ASXL2: variants seen among roughly 807,000 people sequenced by gnomAD.
ASXL2 encodes ASXL transcriptional regulator 2, also known as putative Polycomb group protein ASXL2.
In ASXL2, 23 loss-of-function variants were observed where a neutral mutation model predicts 122.0. The ratio of observed to expected loss-of-function variants is 0.19; its 90% confidence interval spans 0.14 to 0.27. The LOEUF (loss-of-function observed/expected upper bound fraction) is 0.27. ASXL2 is among the 10% of genes least tolerant of loss of function. The pLI is 1.00. For missense variants in ASXL2, 1,518 were observed against 1,713.8 expected, an observed-to-expected ratio of 0.89 and a Z score of 2.02; for synonymous variants, 650 against 637.0, an observed-to-expected ratio of 1.02 and a Z score of -0.31.
intron 1 of ASXL2, among the ~76,000 whole-genome samples, chr2:25,863,197 G>A (rs1271612886): frequency 6.6e-6 from 1 of 151,814 alleles, no homozygotes; most frequent in Non-Finnish European, 1.5e-5. Flanking sequence ...GGGCGTGGTG[G>A]TACGCCCCTG....
chr2:25,771,338 G>T, intron 6 of ASXL2, 102 bp downstream of exon 6: 2 of 988,942 alleles, frequency 2.0e-6, no homozygotes, highest in Non-Finnish European at 2.9e-6. Context: ...ACTGGCAAGG[G>T]CCCAATGTAA....
rs1327461602 is a variant in ASXL2 at position 25,853,737 on chromosome 2, G to A, written c.58-8174C>T. Reference sequence around the variant, plus strand: ...TAGCTCACTGCAGCCTCGAACTCCTGGGCTCAAGCAATCCTCCTGCCTCAG... The same window carrying A: ...TAGCTCACTGCAGCCTCGAACTCCTAGGCTCAAGCAATCCTCCTGCCTCAG... On this transcript the variant is annotated intron_variant, in intron 1 of 12. Coordinates refer to ENST00000435504, the MANE Select transcript of ASXL2 (RefSeq NM_018263.6). Among the ~76,000 whole-genome samples the A allele has an allele frequency of 5.3e-5, 8 of 151,684 alleles. No individual in the cohort carries two copies. The Admixed American group carries it at 5.3e-4, about 10-fold the overall frequency.
chr2:25,771,644 AAC>A, intron 5 of ASXL2, 104 bp from the exon 6 acceptor site: 1 of 894,192 alleles, frequency 1.1e-6, no homozygotes, highest in Non-Finnish European at 1.7e-6. Context: ...ACTATGACCA[AAC>A]ACTTTTGGGA....
intron 5 of ASXL2, among the ~76,000 whole-genome samples, chr2:25,797,589 A>C (rs544191126): frequency 1.3e-5 from 2 of 152,384 alleles, no homozygotes; most frequent in African/African-American, 4.8e-5. Flanking sequence ...AACTGATGAG[A>C]CATCTCACGA....
chr2:25,780,729 A>T (rs1045364310), intron 5 of ASXL2, among the ~76,000 whole-genome samples: 8 of 152,228 alleles, frequency 5.3e-5, no homozygotes, highest in African/African-American at 1.9e-4. Flanking sequence ...ACTAAAAGAT[A>T]AACATGTACA....
intron 3 of ASXL2, among the ~76,000 whole-genome samples, chr2:25,831,137 C>A (rs549643178): frequency 6.6e-6 from 1 of 151,978 alleles, no homozygotes; most frequent in South Asian, 2.1e-4. Flanking sequence ...CTGGCCAATG[C>A]AGTGAAACCC....
At chr2:25,808,039 C>T (rs992671010) in intron 3 of ASXL2, among the ~76,000 whole-genome samples, 1 of 129,746 alleles carries the variant, frequency 7.7e-6, no homozygotes, top group Non-Finnish European at 1.7e-5. Flanking sequence ...CCCCAAAGAA[C>T]AGATACATGA....
intron 6 of ASXL2, among the ~76,000 whole-genome samples, 189 bp downstream of exon 6, chr2:25,771,234 AAAAACAAAGTATCTACC>A (rs1201721751): frequency 4.6e-5 from 7 of 152,220 alleles, no homozygotes; most frequent in Non-Finnish European, 1.0e-4. Flanking sequence ...TCTGTCTCAG[AAAAACAAAGTATCTACC>A]AAAAACGTAT....
rs2087830894 is a variant in ASXL2 at position 25,741,745 on chromosome 2, T to C, written c.*284A>G. On this transcript the variant is annotated 3_prime_UTR_variant, in exon 13 of 13. Coordinates refer to ENST00000435504, the MANE Select transcript of ASXL2 (RefSeq NM_018263.6). ...AAGTAATACATTATTACCTAAACACTTGGAAAAATAATGTTAAACAAAATG... is the reference window on the plus strand; with the variant it reads ...AAGTAATACATTATTACCTAAACACCTGGAAAAATAATGTTAAACAAAATG... 6 of 386,320 alleles carry C rather than the reference T, an allele frequency of 1.6e-5. No individual in the cohort carries two copies. Among genetic ancestry groups the C allele is most frequent in the Non-Finnish European group, 2.4e-5 (5 of 212,534 alleles). 23.9% of individuals were successfully genotyped at this position (386,320 alleles called of 1,614,324 possible). A position where few individuals can be genotyped will look rare whatever the true frequency, so the allele number is the denominator to read the frequency against.
intron 8 of ASXL2, among the ~76,000 whole-genome samples, chr2:25,766,020 A>C (rs1295420729): frequency 6.6e-6 from 1 of 152,038 alleles, no homozygotes; most frequent in Non-Finnish European, 1.5e-5. Context: ...GCATTGTTTA[A>C]ATTATTGTTA....
At chr2:25,834,774 T>TTTTTAACCCATTCTGCCCTGG (rs1262302213) in intron 3 of ASXL2, among the ~76,000 whole-genome samples, 15 of 152,252 alleles carry the variant, frequency 9.9e-5, no homozygotes, top group African/African-American at 3.4e-4. Context: ...TCCAGACTGA[T>TTTTTAACCCATTCTGCCCTGG]TTTTAACCCA....
chr2:25,765,284 G>C (rs1435405438), intron 8 of ASXL2, among the ~76,000 whole-genome samples: 1 of 152,064 alleles, frequency 6.6e-6, no homozygotes, highest in Non-Finnish European at 1.5e-5. Context: ...AGGAGATCAA[G>C]ACCATCCTGG....
At chr2:25,832,709 T>C (rs748039024) in intron 3 of ASXL2, among the ~76,000 whole-genome samples, 9 of 152,196 alleles carry the variant, frequency 5.9e-5, no homozygotes, top group African/African-American at 1.2e-4. Context: ...GAATGGAAAA[T>C]GTATGCCCAT....
intron 5 of ASXL2, among the ~76,000 whole-genome samples, chr2:25,772,092 C>G (rs188990235): frequency 7.6e-4 from 116 of 152,326 alleles, no homozygotes; most frequent in African/African-American, 2.7e-3. Context: ...GATGTAACCA[C>G]TCTCTACTTC....
At chr2:25,754,938 A>T (rs2088108680) in intron 10 of ASXL2, among the ~76,000 whole-genome samples, 1 of 152,198 alleles carries the variant, frequency 6.6e-6, no homozygotes. Flanking sequence ...AAAGAAGAGG[A>T]TGGGAAAAGT....
At position 25,845,466 on chromosome 2, in the gene ASXL2, A is replaced by T; in HGVS notation, c.140+15T>A. 2.1e-6 allele frequency: 3 copies of T among 1,413,966 alleles called. No individual in the cohort carries two copies. The highest frequency in any genetic ancestry group is 2.8e-6 in the Non-Finnish European group (3 of 1,058,686). 87.6% of individuals were successfully genotyped at this position (1,413,966 alleles called of 1,614,324 possible). On this transcript the variant is annotated intron_variant, in intron 2 of 12. Transcript: ENST00000435504. ...AAGTATTATAATTATTACTAAAAAT[A>T]TTTAAATAACTCACCTGATTTCTTT...
chr2:25,780,895 A>G (rs1354117474), intron 5 of ASXL2, among the ~76,000 whole-genome samples: 6 of 151,362 alleles, frequency 4.0e-5, no homozygotes, highest in African/African-American at 1.2e-4. Flanking sequence ...AGACCATCCT[A>G]GCTAACACGG....
At chr2:25,785,007 C>T (rs779199303) in intron 5 of ASXL2, among the ~76,000 whole-genome samples, 9 of 152,188 alleles carry the variant, frequency 5.9e-5, no homozygotes, top group Non-Finnish European at 1.0e-4. Flanking sequence ...TATTATAGTG[C>T]TGCCCAGGCT....
At chr2:25,792,689 G>A (rs944202050) in intron 5 of ASXL2, among the ~76,000 whole-genome samples, 3 of 151,290 alleles carry the variant, frequency 2.0e-5, no homozygotes, top group Non-Finnish European at 2.9e-5. Context: ...TGCAGCCTCC[G>A]AGGCCTCCTG....
Sources: allele counts gnomAD v4.1 joint callset (sites outside exome capture counted in the v4.1 genomes callset), GRCh38; gene constraint gnomAD v4.1.1; transcripts MANE v1.5; gene names NCBI Gene and HGNC (gene_info 2026-07-23, HGNC 2026-07-21).